ADAMTSL1: variants seen among roughly 807,000 people sequenced by gnomAD.
ADAMTSL1 encodes ADAMTS-like protein 1.
A neutral mutation model predicts 201.8 loss-of-function variants in ADAMTSL1; 126 were observed. That is an observed-to-expected ratio of 0.62 (90% confidence interval 0.54 to 0.72). The LOEUF (loss-of-function observed/expected upper bound fraction) is 0.72. Among genes scored for constraint, ADAMTSL1 ranks in the 30% least tolerant of loss-of-function variants. ADAMTSL1 has a pLI of 0.00. For synonymous variants in ADAMTSL1, 1,121 were observed against 903.4 expected (o/e 1.24, Z -4.32); for missense variants, 2,679 against 2,277.8 (o/e 1.18, Z -3.59).
chr9:18,831,836 T>G (rs1396926369), intron 23 of ADAMTSL1, among the ~76,000 whole-genome samples: 1 of 152,040 alleles, frequency 6.6e-6, no homozygotes, highest in East Asian at 1.9e-4. Context: ...CATGGAATTG[T>G]GGAGATGAAT....
chr9:18,250,313 C>G (rs1831414315), intron 2 of ADAMTSL1, among the ~76,000 whole-genome samples: 1 of 152,124 alleles, frequency 6.6e-6, no homozygotes, highest in African/African-American at 2.4e-5. Context: ...TTCATGTGTT[C>G]AAATCCAGTA....
chr9:18,779,602 C>G lies in ADAMTSL1; in HGVS notation c.3677+1696C>G, dbSNP rs577169566. Among the ~76,000 whole-genome samples, 3 of 152,348 alleles carry G rather than the reference C, an allele frequency of 2.0e-5. No individual in the cohort carries two copies. In the South Asian group the frequency reaches 6.2e-4, roughly 32 times the overall value. ...GAGCTTGTGCTTTTAACCTGCCCCT[C>G]TGTCCACGCCCTCCAGCCCCCACAA... On this transcript the variant is annotated intron_variant, in intron 19 of 28. Coordinates refer to ENST00000380548, the MANE Select transcript of ADAMTSL1 (RefSeq NM_001040272.6).
intron 2 of ADAMTSL1, among the ~76,000 whole-genome samples, chr9:18,277,106 G>T (rs1220755936): frequency 1.3e-5 from 2 of 152,192 alleles, no homozygotes. Flanking sequence ...GGCTAGAAAA[G>T]ATACTTGATA....
intron 20 of ADAMTSL1, among the ~76,000 whole-genome samples, chr9:18,803,748 G>A (rs1182173011): frequency 3.3e-5 from 5 of 152,058 alleles, no homozygotes; most frequent in Non-Finnish European, 7.4e-5. Flanking sequence ...GGGTAAACAT[G>A]TCTGTGCTCT....
chr9:18,826,586 C>A (rs1406862834), intron 22 of ADAMTSL1, 123 bp downstream of exon 22: 1 of 1,167,378 alleles, frequency 8.6e-7, no homozygotes, highest in Non-Finnish European at 1.2e-6. Flanking sequence ...GATATCCCTT[C>A]ACTTCTTCCC....
intron 18 of ADAMTSL1, among the ~76,000 whole-genome samples, chr9:18,776,309 G>A (rs1820987489): frequency 6.6e-6 from 1 of 152,218 alleles, no homozygotes; most frequent in Admixed American, 6.5e-5. Flanking sequence ...TAGGGCTCTG[G>A]TGCCTTGCAG....
At chr9:17,920,919 AC>A (rs2131292309) in intron 1 of ADAMTSL1, among the ~76,000 whole-genome samples, 2 of 152,208 alleles carry the variant, frequency 1.3e-5, no homozygotes, top group South Asian at 4.1e-4. Flanking sequence ...TCGTTTGCAG[AC>A]CCCTGTGCTA....
At chr9:18,521,143 A>G (rs1004327092) in intron 2 of ADAMTSL1, among the ~76,000 whole-genome samples, 5 of 152,188 alleles carry the variant, frequency 3.3e-5, no homozygotes, top group Non-Finnish European at 5.9e-5. Flanking sequence ...ACACATTTTA[A>G]TGTTTAAGGT....
intron 5 of ADAMTSL1, among the ~76,000 whole-genome samples, chr9:18,626,903 CT>C (rs61018874): frequency 6.9e-6 from 1 of 145,166 alleles, no homozygotes; most frequent in Non-Finnish European, 1.5e-5. Flanking sequence ...TCCTTCCTTT[CT>C]TTCTTTTCTT....
intron 20 of ADAMTSL1, among the ~76,000 whole-genome samples, chr9:18,816,066 TATA>T (rs1823830594): frequency 6.6e-6 from 1 of 152,176 alleles, no homozygotes; most frequent in South Asian, 2.1e-4. Context: ...TACTGTGCAA[TATA>T]ATACCAGAAC....
chr9:18,558,491 C>A (rs1055867145), intron 3 of ADAMTSL1, among the ~76,000 whole-genome samples: 1 of 152,030 alleles, frequency 6.6e-6, no homozygotes, highest in Non-Finnish European at 1.5e-5. Context: ...TGTCTTTATA[C>A]TAGAATTATT....
intron 14 of ADAMTSL1, among the ~76,000 whole-genome samples, chr9:18,707,360 G>A (rs192917685): frequency 3.9e-5 from 6 of 152,326 alleles, no homozygotes; most frequent in East Asian, 1.9e-4. Context: ...TGACCTGGCC[G>A]TGCTCTCAAC....
chr9:18,571,158 G>A (rs553636397), intron 3 of ADAMTSL1, among the ~76,000 whole-genome samples: 16 of 152,276 alleles, frequency 1.1e-4, no homozygotes, highest in African/African-American at 2.9e-4. Flanking sequence ...GAGGTTTTAT[G>A]TCTGTACTAA....
chr9:18,322,210 G>A (rs911652342), intron 2 of ADAMTSL1, among the ~76,000 whole-genome samples: 1 of 151,814 alleles, frequency 6.6e-6, no homozygotes, highest in Non-Finnish European at 1.5e-5. Flanking sequence ...TTTAAAAGAG[G>A]AAGAATACAT....
chr9:18,430,634 A>G (rs1819446404), intron 2 of ADAMTSL1, among the ~76,000 whole-genome samples: 1 of 152,210 alleles, frequency 6.6e-6, no homozygotes, highest in Non-Finnish European at 1.5e-5. Flanking sequence ...AATCCCAAGC[A>G]TCACACAACT....
intron 1 of ADAMTSL1, among the ~76,000 whole-genome samples, chr9:18,077,163 A>T (rs1660964687): frequency 6.6e-6 from 1 of 152,196 alleles, no homozygotes; most frequent in African/African-American, 2.4e-5. Context: ...ATCCAAATGT[A>T]GGTATAAAAT....
intron 2 of ADAMTSL1, among the ~76,000 whole-genome samples, chr9:18,179,306 C>T (rs376984369): frequency 8.6e-5 from 13 of 151,922 alleles, no homozygotes; most frequent in Admixed American, 2.6e-4. Context: ...TGAAATGAAG[C>T]GAGAAGGGAA....
chr9:18,071,101 G>A (rs1397469661), intron 1 of ADAMTSL1, among the ~76,000 whole-genome samples: 1 of 152,184 alleles, frequency 6.6e-6, no homozygotes, highest in Admixed American at 6.6e-5. Flanking sequence ...AGAAACAGAA[G>A]AGAGAGGAGA....
At chr9:18,852,810 GATT>G (rs1356814124) in intron 23 of ADAMTSL1, among the ~76,000 whole-genome samples, 1 of 152,148 alleles carries the variant, frequency 6.6e-6, no homozygotes, top group African/African-American at 2.4e-5. Flanking sequence ...AATCAAATTA[GATT>G]AAATATATAA....
Sources: allele counts gnomAD v4.1 joint callset (sites outside exome capture counted in the v4.1 genomes callset), GRCh38; gene constraint gnomAD v4.1.1; transcripts MANE v1.5; gene names NCBI Gene and HGNC (gene_info 2026-07-23, HGNC 2026-07-21).